The following CD38 variants were observed in gnomAD, a reference collection of about 807,000 sequenced individuals.
CD38 encodes CD38 molecule, also known as ADP-ribosyl cyclase/cyclic ADP-ribose hydrolase 1.
Under a neutral mutation model 36.3 loss-of-function variants are expected in CD38, and 31 were observed. The observed-to-expected ratio is 0.85, with a 90% CI of 0.64 to 1.15. The LOEUF (loss-of-function observed/expected upper bound fraction) is 1.15, where lower values mean the gene tolerates loss of function less well. CD38 is among the 50% of genes most tolerant of loss of function. CD38 has a pLI of 0.00. For synonymous variants in CD38, 131 were observed against 135.2 expected (o/e 0.97, Z 0.22); for missense variants, 380 against 371.9 (o/e 1.02, Z -0.18).
At chr4:15,819,977 A>G (rs1378857291) in intron 2 of CD38, among the ~76,000 whole-genome samples, 2 of 152,184 alleles carry the variant, frequency 1.3e-5, no homozygotes, top group South Asian at 2.1e-4. Context: ...AGGGAAGCCA[A>G]TTAGACTAAC....
chr4:15,848,581 A>G lies in CD38; in HGVS notation c.882A>G (p.Ser294=). ...FLQCVKNPED[S]SCTSEI ...AGTGTGTGAAAAATCCTGAGGATTC[A>G]TCTTGCACATCTGAGATCTGAGCCA... Residue 294 remains serine (S), a synonymous_variant, in exon 8 of 8, where the codon TCA becomes TCG. Transcript: ENST00000226279. The G allele has an allele frequency of 6.2e-7, 1 of 1,613,828 alleles. No individual in the cohort carries two copies. Among genetic ancestry groups the G allele is most frequent in the Non-Finnish European group, 8.5e-7 (1 of 1,179,750 alleles).
At chr4:15,801,639 A>G (rs1723224797) in intron 1 of CD38, among the ~76,000 whole-genome samples, 2 of 152,190 alleles carry the variant, frequency 1.3e-5, no homozygotes, top group East Asian at 1.9e-4. Flanking sequence ...GTGGTTCAAC[A>G]TATGCAAATC....
Position 15,778,672 on chromosome 4 carries a change from G to C in CD38, c.233+25G>C, listed in dbSNP as rs1393611442. On this transcript the variant is annotated intron_variant, in intron 1 of 7. Coordinates refer to ENST00000226279, the MANE Select transcript of CD38 (RefSeq NM_001775.4). The surrounding 1 kb of genome is among the most constrained non-coding windows in gnomAD (Gnocchi z 4.9). ...GGTGGGTTGGCGACTAAGGCGCACC[G>C]GTGGGCACTGCGGGGACAGCAGGGC... 2 of 1,513,918 alleles carry C rather than the reference G, an allele frequency of 1.3e-6. No individual in the cohort carries two copies. The highest frequency in any genetic ancestry group is 2.7e-5 in the African/African-American group (2 of 73,006). 93.8% of individuals were successfully genotyped at this position (1,513,918 alleles called of 1,614,324 possible). A position where few individuals can be genotyped will look rare whatever the true frequency, so the allele number is the denominator to read the frequency against.
intron 7 of CD38, 56 bp from the exon 8 acceptor site, chr4:15,848,483 G>T: frequency 7.3e-7 from 1 of 1,368,326 alleles, no homozygotes; most frequent in Non-Finnish European, 1.0e-6. Context: ...TTAGCGAATT[G>T]GACGACAGAT....
intron 2 of CD38, among the ~76,000 whole-genome samples, chr4:15,823,347 T>A (rs1723780128): frequency 6.6e-6 from 1 of 152,170 alleles, no homozygotes; most frequent in South Asian, 2.1e-4. Flanking sequence ...CTAAAGTGCT[T>A]CTGCACAGCA....
intron 4 of CD38, 63 bp from the exon 5 acceptor site, chr4:15,838,029 T>G (rs563505242): frequency 1.5e-6 from 2 of 1,327,404 alleles, no homozygotes; most frequent in East Asian, 4.6e-5. Context: ...TTGTTTTGAA[T>G]GAAACTGCTG....
At chr4:15,791,166 A>T (rs1187830725) in intron 1 of CD38, among the ~76,000 whole-genome samples, 3 of 99,890 alleles carry the variant, frequency 3.0e-5, no homozygotes, top group African/African-American at 5.2e-5. Context: ...CCCGTCCGGG[A>T]GGGAGGTGGG....
At chr4:15,796,462 A>G (rs1320652011) in intron 1 of CD38, among the ~76,000 whole-genome samples, 2 of 152,108 alleles carry the variant, frequency 1.3e-5, no homozygotes, top group Non-Finnish European at 2.9e-5. Context: ...AAAATTAAAA[A>G]TTAAATTATT....
chr4:15,813,072 T>C (rs1405596496), intron 1 of CD38, among the ~76,000 whole-genome samples: 7 of 152,202 alleles, frequency 4.6e-5, no homozygotes, highest in African/African-American at 1.7e-4. Flanking sequence ...ATGAAGGGGA[T>C]AGGTTTACTT....
intron 4 of CD38, among the ~76,000 whole-genome samples, chr4:15,836,453 CACAT>C (rs1724071989): frequency 6.6e-6 from 1 of 152,200 alleles, no homozygotes; most frequent in Admixed American, 6.5e-5. Flanking sequence ...ACATAAGAAA[CACAT>C]ACATTCAAAT....
intron 2 of CD38, among the ~76,000 whole-genome samples, 171 bp from the exon 3 acceptor site, chr4:15,824,708 TCC>T (rs1379782954): frequency 1.3e-5 from 2 of 151,698 alleles, no homozygotes; most frequent in Non-Finnish European, 2.9e-5. Flanking sequence ...ACACTCTCTC[TCC>T]GCCACTCTCC....
chr4:15,832,545 A>G (rs908159401), intron 3 of CD38, among the ~76,000 whole-genome samples: 2 of 152,190 alleles, frequency 1.3e-5, no homozygotes, highest in African/African-American at 4.8e-5. Flanking sequence ...AAGATCTAGA[A>G]GGATTCTCTG....
intron 1 of CD38, among the ~76,000 whole-genome samples, chr4:15,781,689 T>TA (rs1270854777): frequency 6.6e-6 from 1 of 152,226 alleles, no homozygotes; most frequent in Non-Finnish European, 1.5e-5. Context: ...ACTTAAAATC[T>TA]AAAAAATACC....
Position 15,848,711 on chromosome 4 carries a change from C to A in CD38, c.*109C>A. On this transcript the variant is annotated 3_prime_UTR_variant, in exon 8 of 8. Coordinates refer to ENST00000226279, the MANE Select transcript of CD38 (RefSeq NM_001775.4). The stretch of plus-strand genomic sequence containing the variant: ...GCTGAAGATTTTGGAGGGTCCTCCA[C>A]AATAAGGTCAATGCCAGAGACGGAA... 2 of 756,436 alleles carry A rather than the reference C, an allele frequency of 2.6e-6. No homozygotes were observed. Among genetic ancestry groups the A allele is most frequent in the Non-Finnish European group, 4.5e-6 (2 of 442,178 alleles). The allele number at this position is 756,436 out of a possible 1,614,324, so 46.9% of individuals were successfully genotyped here.
intron 2 of CD38, among the ~76,000 whole-genome samples, chr4:15,822,128 G>A (rs774512526): frequency 1.5e-4 from 23 of 152,168 alleles, no homozygotes; most frequent in Middle Eastern, 3.4e-3. Context: ...AAAGGCCTTC[G>A]ATAAAATTCA....
At chr4:15,834,856 T>G (rs1239022554) in intron 4 of CD38, among the ~76,000 whole-genome samples, 1 of 152,138 alleles carries the variant, frequency 6.6e-6, no homozygotes, top group Non-Finnish European at 1.5e-5. Flanking sequence ...AGATTCAGAA[T>G]CTAGGCTGGG....
intron 7 of CD38, among the ~76,000 whole-genome samples, chr4:15,840,760 C>G (rs1247446587): frequency 1.3e-5 from 2 of 152,166 alleles, no homozygotes; most frequent in African/African-American, 4.8e-5. Flanking sequence ...CCTCATCCGT[C>G]TCTATTGATC....
intron 1 of CD38, among the ~76,000 whole-genome samples, chr4:15,814,090 C>G (rs891193715): frequency 1.3e-5 from 2 of 152,196 alleles, no homozygotes; most frequent in African/African-American, 4.8e-5. Flanking sequence ...TCCTATTTCT[C>G]CACAGCCTCA....
intron 1 of CD38, among the ~76,000 whole-genome samples, chr4:15,803,769 C>T (rs1054166201): frequency 6.6e-6 from 1 of 152,078 alleles, no homozygotes; most frequent in Non-Finnish European, 1.5e-5. Flanking sequence ...GAGCATAGTA[C>T]CCAATATGTG....
Sources: gnomAD v4.1 joint callset for allele counts (sites outside exome capture counted in the v4.1 genomes callset) on GRCh38, gnomAD v4.1.1 for gene constraint, Gnocchi (gnomAD v3.1) non-coding constraint, MANE v1.5 for transcripts, NCBI Gene and HGNC (gene_info 2026-07-23, HGNC 2026-07-21) for gene names.